LNPEP: variants seen among roughly 807,000 people sequenced by gnomAD.
The protein encoded by LNPEP is leucyl-cystinyl aminopeptidase.
In LNPEP, 64 loss-of-function variants were observed where a neutral mutation model predicts 120.6. The observed-to-expected ratio is 0.53, with a 90% CI of 0.43 to 0.65. LNPEP has a LOEUF of 0.65. Among genes scored for constraint, LNPEP ranks in the 30% least tolerant of loss-of-function variants. The probability of loss-of-function intolerance (pLI) is 0.00; values close to 1 mark genes in which losing one functional copy is unlikely to be tolerated. For synonymous variants in LNPEP, 435 were observed against 425.4 expected, an observed-to-expected ratio of 1.02 and a Z score of -0.28; for missense variants, 1,057 against 1,200.0, an observed-to-expected ratio of 0.88 and a Z score of 1.76.
chr5:97,014,960 G>A lies in LNPEP; in HGVS notation c.2241G>A (p.Lys747=). ...TTAGCCTAGGCAAGGTACCTCTCAA[G>A]AGGGCCTTTGATTTGATTAATTATC... ...ELAGLGKVPL[K]RAFDLINYLG... Residue 747 remains lysine (K), a synonymous_variant, in exon 13 of 18, where the codon AAG becomes AAA. Coordinates refer to ENST00000231368, the MANE Select transcript of LNPEP (RefSeq NM_005575.3). 6.3e-7 allele frequency: 1 copy of A among 1,578,176 alleles called. No individual in the cohort carries two copies. The highest frequency in any genetic ancestry group is 1.2e-5 in the South Asian group (1 of 82,622).
At chr5:97,020,034 G>A (rs1791154292) in intron 13 of LNPEP, among the ~76,000 whole-genome samples, 2 of 152,112 alleles carry the variant, frequency 1.3e-5, no homozygotes, top group Admixed American at 1.3e-4. Flanking sequence ...ATTCCACAAG[G>A]TGTCTGTTCT....
At chr5:96,967,344 T>G (rs1789754381) in intron 1 of LNPEP, among the ~76,000 whole-genome samples, 1 of 152,010 alleles carries the variant, frequency 6.6e-6, no homozygotes. Flanking sequence ...TGGGTCTCAC[T>G]GTGTTGTCCA....
chr5:96,973,917 T>G (rs1789931802), intron 1 of LNPEP, among the ~76,000 whole-genome samples: 1 of 152,162 alleles, frequency 6.6e-6, no homozygotes, highest in South Asian at 2.1e-4. Context: ...GATGACTTGC[T>G]CTCTTGCCGG....
rs138595016 is a variant in LNPEP at position 96,990,693 on chromosome 5, T to G, written c.1132-2322T>G. Among the ~76,000 whole-genome samples the G allele has an allele frequency of 8.3e-3, 1,259 of 152,304 alleles. 8 individuals are homozygous for G. The highest frequency in any genetic ancestry group is 0.011 in the Non-Finnish European group (748 of 68,004). ...AGGAAAGTAAGGTTAACTAGCCTGC[T>G]TAAGGTCATACAGATAGCAGAGATT... On this transcript the variant is annotated intron_variant, in intron 4 of 17. Coordinates refer to ENST00000231368, the MANE Select transcript of LNPEP (RefSeq NM_005575.3).
chr5:96,936,311 G>C, intron 1 of LNPEP, 137 bp downstream of exon 1: 1 of 542,658 alleles, frequency 1.8e-6, no homozygotes, highest in Non-Finnish European at 2.8e-6. Context: ...GGGAGGCAGG[G>C]AGAGGGGATC....
At chr5:97,026,328 G>T in intron 15 of LNPEP, among the ~76,000 whole-genome samples, 1 of 151,556 alleles carries the variant, frequency 6.6e-6, no homozygotes, top group Non-Finnish European at 1.5e-5. Flanking sequence ...CCCACCTCCC[G>T]AATTGTAATA....
intron 13 of LNPEP, among the ~76,000 whole-genome samples, chr5:97,021,923 GTTTTTTTT>G (rs1165456605): frequency 1.7e-5 from 1 of 57,170 alleles, no homozygotes; most frequent in Non-Finnish European, 3.1e-5. Flanking sequence ...TTTGTCTTTT[GTTTTTTTT>G]TTTTTTTTTT....
At chr5:96,982,770 C>T (rs1208245692) in intron 2 of LNPEP, among the ~76,000 whole-genome samples, 1 of 152,062 alleles carries the variant, frequency 6.6e-6, no homozygotes, top group African/African-American at 2.4e-5. Flanking sequence ...TATTTGGGCA[C>T]ACATCCTTAA....
At position 97,028,943 on chromosome 5, in the gene LNPEP, G is replaced by A. The variant is rs1027940506; in HGVS notation, c.*410G>A. ...GCCGCTGGTTTGTCAGCCATCTGTT[G>A]CTTCTTATTGATAGATGGCATTGGA... On this transcript the variant is annotated 3_prime_UTR_variant, in exon 18 of 18. Transcript: ENST00000231368. 1 of 173,124 alleles carries A rather than the reference G, an allele frequency of 5.8e-6. No homozygotes were observed. The highest frequency in any genetic ancestry group is 1.2e-5 in the Non-Finnish European group (1 of 82,180). 10.7% of individuals were successfully genotyped at this position (173,124 alleles called of 1,614,324 possible). A position where few individuals can be genotyped will look rare whatever the true frequency, so the allele number is the denominator to read the frequency against.
rs958751480 is a variant in LNPEP, at chr5:96,983,946, C to T, written c.861-1134C>T. ...GAAGCCAGAGTCTGTACAGATAATTCGCAGCAATTAATGACCACCCTTCTT... is the reference window on the plus strand; with the variant it reads ...GAAGCCAGAGTCTGTACAGATAATTTGCAGCAATTAATGACCACCCTTCTT... On this transcript the variant is annotated intron_variant, in intron 2 of 17. Coordinates refer to ENST00000231368, the MANE Select transcript of LNPEP (RefSeq NM_005575.3). Among the ~76,000 whole-genome samples, 19 of 152,184 alleles carry T rather than the reference C, an allele frequency of 1.2e-4. No homozygotes were observed. The South Asian group carries it at 2.7e-3, about 22-fold the overall frequency.
chr5:97,026,836 C>T, intron 16 of LNPEP, 79 bp downstream of exon 16: 1 of 1,249,472 alleles, frequency 8.0e-7, no homozygotes, highest in Admixed American at 2.0e-5. Context: ...TTTTGGCTCA[C>T]AGAAGTTAGG....
At chr5:97,016,892 C>A (rs1032503939) in intron 13 of LNPEP, among the ~76,000 whole-genome samples, 4 of 152,094 alleles carry the variant, frequency 2.6e-5, no homozygotes, top group African/African-American at 9.7e-5. Context: ...ATTAGTTAAC[C>A]AGTTCAGCTA....
chr5:96,940,101 G>C (rs1047346615), intron 1 of LNPEP, among the ~76,000 whole-genome samples: 11 of 152,098 alleles, frequency 7.2e-5, no homozygotes, highest in Non-Finnish European at 1.6e-4. Flanking sequence ...TTAAGTGTTA[G>C]CATCACTAAC....
At chr5:96,989,256 G>A (rs529752762) in intron 4 of LNPEP, among the ~76,000 whole-genome samples, 3 of 138,342 alleles carry the variant, frequency 2.2e-5, no homozygotes, top group Middle Eastern at 3.7e-3. Context: ...TATAATATTT[G>A]TGTATATATG....
intron 14 of LNPEP, among the ~76,000 whole-genome samples, chr5:97,022,829 T>G (rs1303487731): frequency 8.1e-6 from 1 of 123,600 alleles, no homozygotes; most frequent in African/African-American, 3.2e-5. Flanking sequence ...GATGTTCCCC[T>G]TCCTGTGTCC....
chr5:97,003,359 A>T (rs1004176995), intron 8 of LNPEP, 56 bp from the exon 9 acceptor site: 2 of 1,035,068 alleles, frequency 1.9e-6, no homozygotes, highest in Non-Finnish European at 2.7e-6. Flanking sequence ...TCCCAATTCG[A>T]TAATCTATAG....
At chr5:96,989,694 G>A (rs1790351699) in intron 4 of LNPEP, among the ~76,000 whole-genome samples, 1 of 151,848 alleles carries the variant, frequency 6.6e-6, no homozygotes, top group African/African-American at 2.4e-5. Context: ...TTTCTTTGCT[G>A]AGCTATGTTG....
At chr5:97,013,466 TA>T (rs1790988052) in intron 11 of LNPEP, among the ~76,000 whole-genome samples, 181 bp from the exon 12 acceptor site, 1 of 152,222 alleles carries the variant, frequency 6.6e-6, no homozygotes, top group African/African-American at 2.4e-5. Flanking sequence ...AGTAAATAAA[TA>T]ATTGTTAAAT....
At chr5:96,989,352 T>A (rs550160830) in intron 4 of LNPEP, among the ~76,000 whole-genome samples, 970 of 23,068 alleles carry the variant, frequency 0.042, 9 homozygotes, top group African/African-American at 0.15. Flanking sequence ...TATAATATAT[T>A]ATATATTATA....
Sources: allele counts gnomAD v4.1 joint callset (sites outside exome capture counted in the v4.1 genomes callset), GRCh38; gene constraint gnomAD v4.1.1; transcripts MANE v1.5; gene names NCBI Gene and HGNC (gene_info 2026-07-23, HGNC 2026-07-21).